The following ZNF397 variants were observed in gnomAD, a reference collection of about 807,000 sequenced individuals.
ZNF397 encodes zinc finger and SCAN domain-containing protein 15.
ZNF397 carries 38 observed loss-of-function variants against 50.6 expected under a neutral mutation model. The ratio of observed to expected loss-of-function variants is 0.75; its 90% CI spans 0.58 to 0.98. The LOEUF is 0.98. Among genes scored for constraint, ZNF397 ranks in the 50% least tolerant of loss-of-function variants. The pLI is 0.00. For synonymous variants in ZNF397, 228 were observed against 215.2 expected (o/e 1.06, Z -0.52); for missense variants, 624 against 624.1 (o/e 1.00, Z 0.00).
chr18:35,242,566 G>C lies in ZNF397; in HGVS notation c.96G>C (p.Trp32Cys). The change falls in exon 2 of 4, where the codon TGG (tryptophan) becomes TGC (cysteine). Residue 32 changes from tryptophan to cysteine, a missense_variant. Physicochemically the swap from Trp to Cys is radical, Grantham distance 215 (BLOSUM62 -2). Coordinates refer to ENST00000330501, the MANE Select transcript of ZNF397 (RefSeq NM_001135178.3). ...ILVKVEDNFS[W>C]DEKFKQNGST... ...TGAAAGTAGAAGATAACTTTTCCTG[G>C]GATGAGAAATTTAAGCAGAATGGGA... 1 of 1,614,172 alleles carries C rather than the reference G, an allele frequency of 6.2e-7. No homozygotes were observed. The highest frequency in any genetic ancestry group is 8.5e-7 in the Non-Finnish European group (1 of 1,180,040).
chr18:35,245,520 C>T lies in ZNF397; in HGVS notation c.815C>T (p.Ser272Phe). The change falls in exon 4 of 4, where the codon TCT becomes TTT. Residue 272 changes from serine (S) to phenylalanine (F), a missense_variant. Coordinates refer to ENST00000330501, the MANE Select transcript of ZNF397 (RefSeq NM_001135178.3). ...AGATGCTTGATTCTAACTACAGACT[C>T]TATAATGTGTCAGAAAGTTCCTCCA... Reference protein sequence around the residue: ...AERCLILTTDSIMCQKVPPEE... With the variant: ...AERCLILTTDFIMCQKVPPEE... 1 of 1,552,396 alleles carries T rather than the reference C, an allele frequency of 6.4e-7. No homozygotes were observed. Among genetic ancestry groups the T allele is most frequent in the South Asian group, 1.2e-5 (1 of 84,076 alleles).
chr18:35,246,318 A>G lies in ZNF397; in HGVS notation c.*8A>G, dbSNP rs995558839. The G allele has an allele frequency of 7.9e-6, 12 of 1,517,144 alleles. No homozygotes were observed. Among genetic ancestry groups the G allele is most frequent in the East Asian group, 2.5e-5 (1 of 40,724 alleles). The allele number at this position is 1,517,144 out of a possible 1,614,324, so 94.0% of individuals were successfully genotyped here. ...GTCCACACTATAAAGTAATTTGTGA[A>G]TACTGTGAATAGTGTAAATACTTCA... On this transcript the variant is annotated 3_prime_UTR_variant, in exon 4 of 4. Coordinates refer to ENST00000330501, the MANE Select transcript of ZNF397 (RefSeq NM_001135178.3).
rs781248251 is a variant in ZNF397, at chr18:35,243,209, G to T, written c.472G>T (p.Ala158Ser). 9.9e-6 allele frequency: 16 copies of T among 1,614,076 alleles called. No individual in the cohort carries two copies. The East Asian group carries it at 3.3e-4, about 34-fold the overall frequency. The change falls in exon 3 of 4, where the codon GCA becomes TCA. Residue 158 changes from alanine (A) to serine (S), a missense_variant. By Grantham distance (99) the Ala-to-Ser change is moderately conservative (BLOSUM62 1). Transcript: ENST00000330501. ...ATGGAAGGATTTAACATGTCTCAGA[G>T]CATCCCAAGAGTCAACAGACATCCA... is the stretch of plus-strand genomic sequence containing the variant. ...VPWKDLTCLR[A>S]SQESTDIHLQ...
rs187865200 is a variant in ZNF397 at position 35,244,328 on chromosome 18, C to A, written c.557-934C>A. On this transcript the variant is annotated intron_variant, in intron 3 of 3. Transcript: ENST00000330501. ...AAAACATAAGGAAAAACAGATACAT[C>A]TGATGATGTGTTTAGGTTGGTACAT... 2.5e-4 allele frequency among the ~76,000 whole-genome samples: 38 copies of A among 152,262 alleles called. 1 individual carries two copies. The highest frequency in any genetic ancestry group is 1.5e-3 in the Admixed American group (23 of 15,300).
chr18:35,245,855 C>T lies in ZNF397; in HGVS notation c.1150C>T (p.Leu384Phe). The change falls in exon 4 of 4, where the codon CTC (leucine) becomes TTC (phenylalanine). Residue 384 changes from leucine (L) to phenylalanine (F), a missense_variant. Physicochemically the swap from Leu to Phe is conservative, Grantham distance 22. Coordinates refer to ENST00000330501, the MANE Select transcript of ZNF397 (RefSeq NM_001135178.3). ...CGKAFSQSSY[L>F]IIHQRIHTGE... is the part of the protein sequence containing the mutation. ...CAAAGCATTCAGTCAAAGTTCATAT[C>T]TCATTATACATCAAAGAATTCACAC... 1 of 1,553,618 alleles carries T rather than the reference C, an allele frequency of 6.4e-7. No individual in the cohort carries two copies. The highest frequency in any genetic ancestry group is 8.7e-7 in the Non-Finnish European group (1 of 1,148,098).
exon 6 of ZNF397, chr18:35,258,299 GA>G (rs2043909828): frequency 3.2e-6 from 1 of 309,216 alleles, no homozygotes; most frequent in African/African-American, 2.2e-5. Context: ...AAGGACATTG[GA>G]GAGATAGAGT....
At chr18:35,244,400 G>C (rs985435521) in intron 3 of ZNF397, among the ~76,000 whole-genome samples, 1 of 152,186 alleles carries the variant, frequency 6.6e-6, no homozygotes, top group Non-Finnish European at 1.5e-5. Context: ...ATTAGCATAA[G>C]ACTCTAGAGC....
Position 35,245,924 on chromosome 18 carries a change from A to G in ZNF397, c.1219A>G (p.Ser407Gly). 1 of 1,573,780 alleles carries G rather than the reference A, an allele frequency of 6.4e-7. No homozygotes were observed. Among genetic ancestry groups the G allele is most frequent in the Non-Finnish European group, 8.6e-7 (1 of 1,159,392 alleles). Residue 407 changes from serine (S) to glycine (G), a missense_variant, in exon 4 of 4, where the codon AGC (serine) becomes GGC (glycine). Transcript: ENST00000330501. ...YECNECGKTF[S>G]QSSKLIRHQR... ...GTGTAATGAATGTGGGAAAACCTTTAGCCAGAGCTCAAAACTCATTAGACA... is the reference window on the plus strand; with the variant it reads ...GTGTAATGAATGTGGGAAAACCTTTGGCCAGAGCTCAAAACTCATTAGACA...
At chr18:35,251,947 T>A (rs1408546266), downstream of ZNF397, 3 of 152,216 alleles carry the variant, frequency 2.0e-5, no homozygotes, top group African/African-American at 7.2e-5. Flanking sequence ...CTTTTAGGTA[T>A]TAATTGCCCT....
At chr18:35,244,703 G>A (rs1293125672) in intron 3 of ZNF397, among the ~76,000 whole-genome samples, 1 of 146,102 alleles carries the variant, frequency 6.8e-6, no homozygotes, top group Non-Finnish European at 1.5e-5. Context: ...AAAGTACTTA[G>A]TGGATTAAAG....
chr18:35,255,004 G>C (rs1314713159), intron 5 of ZNF397: 1 of 153,816 alleles, frequency 6.5e-6, no homozygotes, highest in Non-Finnish European at 1.5e-5. Context: ...TCTCAGGTCA[G>C]GTGGGAATTT....
downstream of ZNF397, chr18:35,253,354 G>T: frequency 1.0e-6 from 1 of 976,924 alleles, no homozygotes; most frequent in South Asian, 1.9e-5. Context: ...GGGAAGGACA[G>T]AAGTTCTGCT....
chr18:35,249,555 A>G lies in ZNF397; in HGVS notation c.*3245A>G, dbSNP rs557802093. 14 of 148,276 alleles carry G rather than the reference A, an allele frequency of 9.4e-5. No individual in the cohort carries two copies. Among genetic ancestry groups the G allele is most frequent in the Admixed American group, 6.9e-4 (10 of 14,400 alleles). The allele number at this position is 148,276 out of a possible 1,614,324, so 9.2% of individuals were successfully genotyped here. ...GTAGTCCCAGCTACTTGGGAGGCTGAGACAGGAGAATTGCATGAACCCGGG... is the reference window on the plus strand; with the variant it reads ...GTAGTCCCAGCTACTTGGGAGGCTGGGACAGGAGAATTGCATGAACCCGGG... On this transcript the variant is annotated 3_prime_UTR_variant, in exon 4 of 4. Transcript: ENST00000330501.
rs1912437893 is a variant in ZNF397 at position 35,241,070 on chromosome 18, G to T, written c.-120G>T. 1.3e-5 allele frequency: 2 copies of T among 152,384 alleles called. No homozygotes were observed. The highest frequency in any genetic ancestry group is 1.3e-4 in the Admixed American group (2 of 15,294). 9.4% of individuals were successfully genotyped at this position (152,384 alleles called of 1,614,324 possible). On this transcript the variant is annotated 5_prime_UTR_variant, in exon 1 of 4. Transcript: ENST00000330501. ...TCCGGTCTTTGTGGCTTGCAGCTCG[G>T]GGTGGGTGGCTCATTTCCTGGCCGC...
In ZNF397 at chr18:35,246,869, C is replaced by G; in HGVS notation, c.*559C>G. On this transcript the variant is annotated 3_prime_UTR_variant, in exon 4 of 4. Transcript: ENST00000330501. ...TACCCAAAGGTTATTTTTTGAGTAC[C>G]TACTTTGTCCCAGGAACTAGGAATA... is the stretch of plus-strand genomic sequence containing the variant. 1 of 983,086 alleles carries G rather than the reference C, an allele frequency of 1.0e-6. No homozygotes were observed. The highest frequency in any genetic ancestry group is 1.2e-6 in the Non-Finnish European group (1 of 827,870). The allele number at this position is 983,086 out of a possible 1,614,324, so 60.9% of individuals were successfully genotyped here.
chr18:35,243,365 C>T (rs758194045), intron 3 of ZNF397, 72 bp downstream of exon 3: 2 of 1,607,390 alleles, frequency 1.2e-6, no homozygotes. Flanking sequence ...GAATTAATTG[C>T]ACTTGACAAA....
At chr18:35,257,548 T>C (rs1464026721) in intron 5 of ZNF397, 1 of 236,028 alleles carries the variant, frequency 4.2e-6, no homozygotes, top group East Asian at 1.1e-4. Context: ...AAGTGGGACC[T>C]TACCAAATAC....
At chr18:35,259,199 T>C (rs2043949685), downstream of ZNF397, 3 of 152,226 alleles carry the variant, frequency 2.0e-5, no homozygotes. Context: ...CACCTTCTTT[T>C]CTTGTTGTTG....
At chr18:35,251,168 T>G (rs1313988729), downstream of ZNF397, 1 of 152,202 alleles carries the variant, frequency 6.6e-6, no homozygotes, top group Non-Finnish European at 1.5e-5. Context: ...TACTAAACAG[T>G]AGTTTTACTA....
Sources: gnomAD v4.1 joint callset for allele counts (sites outside exome capture counted in the v4.1 genomes callset) on GRCh38, gnomAD v4.1.1 for gene constraint, MANE v1.5 for transcripts, NCBI Gene and HGNC (gene_info 2026-07-23, HGNC 2026-07-21) for gene names.